TG: variants seen among roughly 807,000 people sequenced by gnomAD.
The protein encoded by TG is thyroid hormones.
A neutral mutation model predicts 324.7 loss-of-function variants in TG; 270 were observed. The ratio of observed to expected loss-of-function variants is 0.83; its 90% CI spans 0.75 to 0.92. TG has a LOEUF of 0.92. Among genes scored for constraint, TG ranks in the 40% least tolerant of loss-of-function variants. The pLI is 0.00. For synonymous variants in TG, 1,401 were observed against 1,327.0 expected (o/e 1.06, Z -1.21); for missense variants, 3,591 against 3,456.4 (o/e 1.04, Z -0.98).
chr8:132,952,861 A>T (rs1396153137), intron 27 of TG, among the ~76,000 whole-genome samples: 3 of 152,212 alleles, frequency 2.0e-5, no homozygotes, highest in African/African-American at 7.2e-5. Flanking sequence ...CATTAGTGCC[A>T]TGGCTGGGGC....
At chr8:132,889,116 T>C (rs1442980364) in intron 10 of TG, among the ~76,000 whole-genome samples, 4 of 152,202 alleles carry the variant, frequency 2.6e-5, no homozygotes, top group Non-Finnish European at 5.9e-5. Context: ...GTCTATACAT[T>C]CAGCTTTGTG....
At chr8:132,872,122 C>T (rs1839532079) in intron 4 of TG, among the ~76,000 whole-genome samples, 1 of 152,054 alleles carries the variant, frequency 6.6e-6, no homozygotes, top group Admixed American at 6.6e-5. Context: ...CCATGTGTTC[C>T]TGTTTTAAGC....
intron 41 of TG, among the ~76,000 whole-genome samples, chr8:133,056,400 G>A (rs963655948): frequency 1.3e-5 from 2 of 152,136 alleles, no homozygotes; most frequent in African/African-American, 4.8e-5. Context: ...CCCTTGCTAG[G>A]GCACTTGATC....
intron 28 of TG, among the ~76,000 whole-genome samples, chr8:132,961,819 C>G (rs1456688701): frequency 6.6e-6 from 1 of 152,130 alleles, no homozygotes; most frequent in African/African-American, 2.4e-5. Context: ...AATCTGTCCT[C>G]GCTGATCTTC....
intron 22 of TG, among the ~76,000 whole-genome samples, chr8:132,924,863 G>A (rs935225804): frequency 6.6e-6 from 1 of 152,204 alleles, no homozygotes; most frequent in African/African-American, 2.4e-5. Context: ...AGAAGGCTCA[G>A]AAACAGTATT....
rs2130712308 is a variant in TG, at chr8:132,985,449, CT to C, written c.6262+2039del. Among the ~76,000 whole-genome samples the C allele has an allele frequency of 2.0e-5, 3 of 152,302 alleles. 1 individual carries two copies. In the South Asian group the frequency reaches 6.2e-4, roughly 32 times the overall value. Reference sequence around the variant, plus strand: ...CAACTTCAGAAGTGACTGTTCACTTCTTGCCTTGATGGAGACTTAGCTCTCT... The same window carrying C: ...CAACTTCAGAAGTGACTGTTCACTTCTGCCTTGATGGAGACTTAGCTCTCT... On this transcript the variant is annotated intron_variant, in intron 35 of 47. Coordinates refer to ENST00000220616, the MANE Select transcript of TG (RefSeq NM_003235.5).
At chr8:133,015,276 G>A (rs1834918231) in intron 37 of TG, among the ~76,000 whole-genome samples, 1 of 152,178 alleles carries the variant, frequency 6.6e-6, no homozygotes, top group South Asian at 2.1e-4. Flanking sequence ...ACTTCAGTGT[G>A]ACTAAAATTC....
At chr8:132,924,433 G>T (rs1465822137) in intron 22 of TG, among the ~76,000 whole-genome samples, 1 of 152,030 alleles carries the variant, frequency 6.6e-6, no homozygotes, top group Admixed American at 6.5e-5. Context: ...TTAATTGCTG[G>T]GTGATCTAGA....
chr8:133,018,650 A>G (rs1835284282), intron 38 of TG, among the ~76,000 whole-genome samples: 1 of 151,774 alleles, frequency 6.6e-6, no homozygotes, highest in East Asian at 1.9e-4. Flanking sequence ...CAATATTGTG[A>G]TTTTTTTCTA....
At chr8:133,026,076 GTT>G (rs1276671054) in intron 40 of TG, among the ~76,000 whole-genome samples, 3 of 152,320 alleles carry the variant, frequency 2.0e-5, no homozygotes, top group African/African-American at 7.2e-5. Context: ...GCAGGGCTGT[GTT>G]TTTATCATTT....
intron 43 of TG, among the ~76,000 whole-genome samples, chr8:133,103,927 T>C (rs1305629229): frequency 1.3e-5 from 2 of 152,188 alleles, no homozygotes; most frequent in East Asian, 3.8e-4. Flanking sequence ...AAATAAAGAA[T>C]TTCAGATCTT....
At chr8:132,956,768 A>G (rs985310809) in intron 27 of TG, among the ~76,000 whole-genome samples, 6 of 152,106 alleles carry the variant, frequency 3.9e-5, no homozygotes, top group African/African-American at 1.2e-4. Flanking sequence ...CCTGGGGGCT[A>G]TGTGGCTGAG....
intron 35 of TG, among the ~76,000 whole-genome samples, chr8:132,999,343 T>C (rs11785901): frequency 0.32 from 48,884 of 151,928 alleles, 8,064 homozygotes; most frequent in Non-Finnish European, 0.35. Context: ...AATCTATTCT[T>C]CTCATTATTT....
At chr8:133,004,686 A>T (rs1004445367) in intron 35 of TG, among the ~76,000 whole-genome samples, 3 of 152,190 alleles carry the variant, frequency 2.0e-5, no homozygotes, top group African/African-American at 7.2e-5. Flanking sequence ...ACCACCCTGT[A>T]AAAGTGGAGG....
At chr8:133,058,531 C>T (rs2702966) in intron 41 of TG, among the ~76,000 whole-genome samples, 2,367 of 152,316 alleles carry the variant, frequency 0.016, 57 homozygotes, top group African/African-American at 0.05. Flanking sequence ...TGAGAGGTGA[C>T]GACCCAAGAT....
chr8:133,058,302 G>A (rs919584663), intron 41 of TG, among the ~76,000 whole-genome samples: 3 of 152,186 alleles, frequency 2.0e-5, no homozygotes, highest in Non-Finnish European at 2.9e-5. Context: ...GATCACAAAC[G>A]GGGTATGACC....
intron 17 of TG, 114 bp downstream of exon 17, chr8:132,907,014 T>G (rs1460311455): frequency 4.4e-6 from 5 of 1,129,604 alleles, no homozygotes; most frequent in Admixed American, 2.0e-5. Context: ...AGCACGCTGG[T>G]GGTATGCCAG....
intron 6 of TG, 132 bp from the exon 7 acceptor site, chr8:132,882,337 T>G: frequency 9.1e-7 from 1 of 1,102,306 alleles, no homozygotes; most frequent in South Asian, 1.3e-5. Context: ...TGGAAACTGT[T>G]AAAGTGTTGT....
At chr8:132,983,536 C>T (rs1250578028) in intron 35 of TG, 124 bp downstream of exon 35, 3 of 993,740 alleles carry the variant, frequency 3.0e-6, no homozygotes, top group Non-Finnish European at 3.2e-6. Context: ...AATTCCAGCT[C>T]CTATGAATTA....
Sources: allele counts gnomAD v4.1 joint callset (sites outside exome capture counted in the v4.1 genomes callset), GRCh38; gene constraint gnomAD v4.1.1; transcripts MANE v1.5; gene names NCBI Gene and HGNC (gene_info 2026-07-23, HGNC 2026-07-21).